PIK3CD: variants seen among roughly 807,000 people sequenced by gnomAD.
PIK3CD encodes the protein phosphatidylinositol-4,5-bisphosphate 3-kinase catalytic subunit delta.
A neutral mutation model predicts 122.9 loss-of-function variants in PIK3CD; 20 were observed. The ratio of observed to expected loss-of-function variants is 0.16; its 90% CI spans 0.11 to 0.24. The LOEUF (loss-of-function observed/expected upper bound fraction) is 0.24, where lower values mean the gene tolerates loss of function less well. Ranked by LOEUF, PIK3CD falls within the 10% of genes least tolerant of loss-of-function variation. The probability of loss-of-function intolerance (pLI) is 1.00; values close to 1 mark genes in which losing one functional copy is unlikely to be tolerated. For missense variants in PIK3CD, 787 were observed against 1,406.3 expected, an observed-to-expected ratio of 0.56 and a Z score of 7.04; for synonymous variants, 596 against 593.4, an observed-to-expected ratio of 1.00 and a Z score of -0.06.
chr1:9,686,190 A>G (rs6677649), intron 1 of PIK3CD, among the ~76,000 whole-genome samples: 21,710 of 151,964 alleles, frequency 0.14, 1,939 homozygotes, highest in South Asian at 0.25. Flanking sequence ...TTCCTGCCTT[A>G]TGTTTTGGGA....
intron 3 of PIK3CD, among the ~76,000 whole-genome samples, chr1:9,713,300 C>A (rs1267233886): frequency 1.3e-5 from 2 of 152,144 alleles, no homozygotes; most frequent in East Asian, 3.9e-4. Flanking sequence ...CATGATTTGC[C>A]ACTGCACTCC....
At chr1:9,635,802 G>A in the PIK3CD span, among the ~76,000 whole-genome samples, 1 of 152,210 alleles carries the variant, frequency 6.6e-6, no homozygotes, top group South Asian at 2.1e-4. Context: ...CATGCCAAGT[G>A]CATTCCTAAA....
At chr1:9,670,625 A>C (rs1204910442) in intron 1 of PIK3CD, among the ~76,000 whole-genome samples, 1 of 152,156 alleles carries the variant, frequency 6.6e-6, no homozygotes, top group Non-Finnish European at 1.5e-5. Flanking sequence ...TGTCGTAGAG[A>C]TGTCGTAAAG....
At chr1:9,641,986 A>G in the PIK3CD span, among the ~76,000 whole-genome samples, 2 of 152,190 alleles carry the variant, frequency 1.3e-5, no homozygotes, top group Non-Finnish European at 2.9e-5. Context: ...TGCATCTGAC[A>G]TCTTGACTTC....
intron 23 of PIK3CD, among the ~76,000 whole-genome samples, chr1:9,725,558 AAAAAAT>A (rs1649403968): frequency 6.6e-6 from 1 of 150,792 alleles, no homozygotes; most frequent in Non-Finnish European, 1.5e-5. Flanking sequence ...TCGGTCTCAA[AAAAAAT>A]AAAAATAAAT....
At position 9,729,003 on chromosome 1, in the gene PIK3CD, G is replaced by A. The variant is rs1362179412; in HGVS notation, c.*1957G>A. 1 of 152,206 alleles carries A rather than the reference G, an allele frequency of 6.6e-6. No homozygotes were observed. The highest frequency in any genetic ancestry group is 2.1e-4 in the South Asian group (1 of 4,832). 9.4% of individuals were successfully genotyped at this position (152,206 alleles called of 1,614,324 possible). A position where few individuals can be genotyped will look rare whatever the true frequency, so the allele number is the denominator to read the frequency against. The stretch of plus-strand genomic sequence containing the variant: ...GGTTTAAAACCAAAACAGGAGAGAA[G>A]ACAAACCCCGCTCCGGCTGGAGTTA... On this transcript the variant is annotated 3_prime_UTR_variant, in exon 24 of 24. Transcript: ENST00000377346.
chr1:9,630,996 C>T, the PIK3CD span, among the ~76,000 whole-genome samples: 2 of 152,170 alleles, frequency 1.3e-5, no homozygotes, highest in South Asian at 4.1e-4. Context: ...GGACAGAGTT[C>T]ATGCCCCAGC....
chr1:9,695,069 G>A (rs1005907283), intron 2 of PIK3CD, among the ~76,000 whole-genome samples: 4 of 151,958 alleles, frequency 2.6e-5, no homozygotes, highest in Non-Finnish European at 5.9e-5. Context: ...AAACAGGGTC[G>A]TATGGGGAAA....
At chr1:9,709,398 T>C (rs1646963337) in intron 2 of PIK3CD, among the ~76,000 whole-genome samples, 1 of 152,046 alleles carries the variant, frequency 6.6e-6, no homozygotes, top group African/African-American at 2.4e-5. Context: ...TTAAGCCTTT[T>C]GGTTTCTAGT....
At chr1:9,657,397 G>C (rs1194741805) in intron 1 of PIK3CD, among the ~76,000 whole-genome samples, 10 of 152,118 alleles carry the variant, frequency 6.6e-5, no homozygotes, top group African/African-American at 1.7e-4. Flanking sequence ...TGGGGACGGT[G>C]GGAAGTGCGG....
At position 9,719,920 on chromosome 1, in the gene PIK3CD, G is replaced by A; in HGVS notation, c.1243-1G>A. On this transcript the variant is annotated splice_acceptor_variant, in intron 9 of 23. Transcript: ENST00000377346. LOFTEE classifies it high-confidence loss of function. The surrounding 1 kb of genome is among the most constrained non-coding windows in gnomAD (Gnocchi z 5.5). ...TCCTCACCTGCCCTGTCCTTCTGCA[G>A]GACTGCCCCATTGCCTGGGCCAACC... The A allele has an allele frequency of 6.2e-7, 1 of 1,613,452 alleles. No individual in the cohort carries two copies. Among genetic ancestry groups the A allele is most frequent in the Non-Finnish European group, 8.5e-7 (1 of 1,179,824 alleles).
the PIK3CD span, among the ~76,000 whole-genome samples, chr1:9,644,090 G>A: frequency 1.3e-5 from 2 of 152,208 alleles, no homozygotes; most frequent in Non-Finnish European, 2.9e-5. Flanking sequence ...TGCGTGGGTG[G>A]TGGTGGTGAA....
intron 1 of PIK3CD, among the ~76,000 whole-genome samples, chr1:9,690,826 G>T (rs948555287): frequency 6.6e-6 from 1 of 152,214 alleles, no homozygotes; most frequent in Non-Finnish European, 1.5e-5. Context: ...CAGCTGTGGA[G>T]GTAGCTATGC....
rs767016047 is a variant in PIK3CD, at chr1:9,722,224, C to T, written c.2235-20C>T. On this transcript the variant is annotated intron_variant, in intron 17 of 23. Transcript: ENST00000377346. The surrounding 1 kb of genome is among the most constrained non-coding windows in gnomAD (Gnocchi z 7.6). ...CCGGTAGAGGAGCCCCTGCTGACTG[C>T]CCGCTCTCTGGCCTGGCAGCGTGGA... is the stretch of plus-strand genomic sequence containing the variant. 2 of 1,611,166 alleles carry T rather than the reference C, an allele frequency of 1.2e-6. No homozygotes were observed. Among genetic ancestry groups the T allele is most frequent in the Non-Finnish European group, 1.7e-6 (2 of 1,178,768 alleles).
chr1:9,661,779 G>A (rs1295644174), intron 1 of PIK3CD, among the ~76,000 whole-genome samples: 5 of 152,154 alleles, frequency 3.3e-5, no homozygotes, highest in African/African-American at 7.2e-5. Flanking sequence ...GACGGATCAC[G>A]AGGTTAAGAG....
rs960871498 is a variant in PIK3CD, at chr1:9,652,225, A to G, written c.-138+423A>G. On this transcript the variant is annotated intron_variant, in intron 1 of 23. Coordinates refer to ENST00000377346, the MANE Select transcript of PIK3CD (RefSeq NM_005026.5). This position sits in a 1 kb window ranked among gnomAD's most constrained non-coding sequence, Gnocchi z 6.2. ...CGTGCGCCCGCTCCGAGCGCTGACTAGAGGACCAGGGGCCTCCTCTGTACG... is the reference window on the plus strand; with the variant it reads ...CGTGCGCCCGCTCCGAGCGCTGACTGGAGGACCAGGGGCCTCCTCTGTACG... 2.0e-5 allele frequency among the ~76,000 whole-genome samples: 3 copies of G among 152,204 alleles called. No homozygotes were observed. Among genetic ancestry groups the G allele is most frequent in the Non-Finnish European group, 2.9e-5 (2 of 68,010 alleles).
chr1:9,711,341 C>T (rs1447757552), intron 3 of PIK3CD, among the ~76,000 whole-genome samples: 1 of 152,142 alleles, frequency 6.6e-6, no homozygotes, highest in Non-Finnish European at 1.5e-5. Flanking sequence ...GTGATCCACC[C>T]GCTTCGGCCT....
In PIK3CD at chr1:9,724,875, C is replaced by T. The variant is rs1420482705; in HGVS notation, c.2936C>T (p.Ala979Val). 1.2e-6 allele frequency: 2 copies of T among 1,613,910 alleles called. No individual in the cohort carries two copies. Among genetic ancestry groups the T allele is most frequent in the East Asian group, 2.2e-5 (1 of 44,900 alleles). Reference protein sequence around the residue: ...RHGLLFLHLFALMRAAGLPEL... With the variant: ...RHGLLFLHLFVLMRAAGLPEL... ...GGGCTTCTCTTCCTCCACCTCTTTG[C>T]CCTGATGCGGGCGGCAGGCCTGCCT... The change falls in exon 23 of 24, where the codon GCC becomes GTC. Residue 979 changes from alanine to valine, a missense_variant. Transcript: ENST00000377346. This position sits in a 1 kb window ranked among gnomAD's most constrained non-coding sequence, Gnocchi z 7.3.
intron 1 of PIK3CD, among the ~76,000 whole-genome samples, chr1:9,679,789 C>T (rs1439398999): frequency 2.6e-5 from 4 of 152,128 alleles, no homozygotes. Flanking sequence ...TTAATGTGCA[C>T]AATGCAATGG....
Sources: allele counts gnomAD v4.1 joint callset (sites outside exome capture counted in the v4.1 genomes callset), GRCh38; gene constraint gnomAD v4.1.1; non-coding constraint Gnocchi (gnomAD v3.1); transcripts MANE v1.5; gene names NCBI Gene and HGNC (gene_info 2026-07-23, HGNC 2026-07-21).